The following LPP variants were observed in gnomAD, a reference collection of about 807,000 sequenced individuals.
LPP encodes the protein lipoma-preferred partner.
A neutral mutation model predicts 60.4 loss-of-function variants in LPP; 38 were observed. The ratio of observed to expected loss-of-function variants is 0.63; its 90% CI spans 0.49 to 0.83. The LOEUF (loss-of-function observed/expected upper bound fraction) is 0.83. Among genes scored for constraint, LPP ranks in the 40% least tolerant of loss-of-function variants. The pLI is 0.00. For missense variants in LPP, 902 were observed against 783.6 expected (o/e 1.15, Z -1.80); for synonymous variants, 328 against 290.8 (o/e 1.13, Z -1.30).
Position 188,886,462 on chromosome 3 carries a change from C to T in LPP, c.*11983C>T, listed in dbSNP as rs949284650. The T allele has an allele frequency of 5.3e-6, 1 of 188,088 alleles. No individual in the cohort carries two copies. Among genetic ancestry groups the T allele is most frequent in the African/African-American group, 2.5e-5 (1 of 40,416 alleles). The allele number at this position is 188,088 out of a possible 1,614,324, so 11.7% of individuals were successfully genotyped here. On this transcript the variant is annotated 3_prime_UTR_variant, in exon 12 of 12. Transcript: ENST00000617246. ...TAGAAGACACAATTTGAGCACTTCT[C>T]AGAATTATCTAGTATGCCTGAGTAG... is the stretch of plus-strand genomic sequence containing the variant.
At chr3:188,762,688 G>A (rs1421460188) in intron 9 of LPP, among the ~76,000 whole-genome samples, 1 of 152,078 alleles carries the variant, frequency 6.6e-6, no homozygotes, top group Non-Finnish European at 1.5e-5. Context: ...CTATGCTTAT[G>A]AGAAGGAAAA....
In LPP at chr3:188,352,708, TGCAC is replaced by T. The variant is rs1361285607; in HGVS notation, c.-10+10991_-10+10994del. Among the ~76,000 whole-genome samples the T allele has an allele frequency of 0.011, 10 of 944 alleles. No individual in the cohort carries two copies. Among genetic ancestry groups the T allele is most frequent in the Non-Finnish European group, 0.023 (7 of 302 alleles). The allele number at this position is 944 out of a possible 152,430, so 0.6% of individuals were successfully genotyped here. ...CCTGCTTGTTGATGTTCCAGCTGCA[TGCAC>T]GGCACTGAGCCCTGCCTGAGTGCGC... On this transcript the variant is annotated intron_variant, in intron 3 of 11. Coordinates refer to ENST00000617246, the MANE Select transcript of LPP (RefSeq NM_001375462.1). The surrounding 1 kb of genome is among the most constrained non-coding windows in gnomAD (Gnocchi z 4.4).
intron 3 of LPP, among the ~76,000 whole-genome samples, chr3:188,361,832 T>C (rs1015044191): frequency 2.0e-4 from 31 of 152,184 alleles, no homozygotes; most frequent in African/African-American, 6.5e-4. Flanking sequence ...CTTCCCAAAG[T>C]GTTGGGATTA....
chr3:188,534,587 A>T (rs1475906076), intron 6 of LPP, among the ~76,000 whole-genome samples: 1 of 152,228 alleles, frequency 6.6e-6, no homozygotes, highest in Non-Finnish European at 1.5e-5. Context: ...AAGCAAATAA[A>T]CAAGAAAACA....
chr3:188,324,846 G>T (rs532721406), intron 2 of LPP, among the ~76,000 whole-genome samples: 5 of 152,226 alleles, frequency 3.3e-5, no homozygotes, highest in African/African-American at 1.2e-4. Context: ...CTTACAATTT[G>T]TCCACTTCAC....
chr3:188,278,710 T>C (rs1740880780), intron 2 of LPP, among the ~76,000 whole-genome samples: 1 of 152,024 alleles, frequency 6.6e-6, no homozygotes, highest in Admixed American at 6.6e-5. Flanking sequence ...ATACAATACG[T>C]TATAATAAGA....
chr3:188,258,427 A>G (rs1369179546), intron 2 of LPP, among the ~76,000 whole-genome samples: 2 of 151,784 alleles, frequency 1.3e-5, no homozygotes, highest in Admixed American at 1.3e-4. Context: ...GGCTCAATCA[A>G]CCCTCCTACT....
chr3:188,181,167 A>G (rs1724870420), intron 1 of LPP, among the ~76,000 whole-genome samples: 1 of 152,082 alleles, frequency 6.6e-6, no homozygotes, highest in Admixed American at 6.6e-5. Flanking sequence ...AGCCTGGCCA[A>G]TATGGTGAAA....
intron 4 of LPP, among the ~76,000 whole-genome samples, chr3:188,483,564 A>C (rs971410301): frequency 6.6e-6 from 1 of 152,216 alleles, no homozygotes; most frequent in Non-Finnish European, 1.5e-5. Context: ...TGTTTCCCCA[A>C]TACAGTTTTT....
At chr3:188,691,189 G>A (rs887139437) in intron 7 of LPP, among the ~76,000 whole-genome samples, 2 of 152,190 alleles carry the variant, frequency 1.3e-5, no homozygotes, top group African/African-American at 2.4e-5. Flanking sequence ...AGTTATGAGT[G>A]CAATATAATG....
intron 9 of LPP, among the ~76,000 whole-genome samples, chr3:188,822,284 C>CA (rs941356401): frequency 2.6e-5 from 4 of 151,636 alleles, no homozygotes; most frequent in East Asian, 3.9e-4. Flanking sequence ...TTCTCGGATA[C>CA]AAAAAAAATT....
intron 9 of LPP, among the ~76,000 whole-genome samples, chr3:188,808,090 T>C (rs1308934546): frequency 6.6e-6 from 1 of 152,166 alleles, no homozygotes; most frequent in Non-Finnish European, 1.5e-5. Flanking sequence ...GTTGTTGCTG[T>C]GATTCCCCTT....
At chr3:188,669,629 T>C (rs986072856) in intron 7 of LPP, among the ~76,000 whole-genome samples, 12 of 151,990 alleles carry the variant, frequency 7.9e-5, no homozygotes, top group African/African-American at 2.7e-4. Flanking sequence ...GTGATGGAGA[T>C]GATGTGGAGA....
At chr3:188,747,190 T>C (rs187569427) in intron 8 of LPP, among the ~76,000 whole-genome samples, 231 of 152,316 alleles carry the variant, frequency 1.5e-3, no homozygotes, top group African/African-American at 5.4e-3. Context: ...AAATCCTTCC[T>C]ATAATGCTTT....
intron 3 of LPP, among the ~76,000 whole-genome samples, chr3:188,380,902 G>A (rs377030310): frequency 1.3e-5 from 2 of 152,292 alleles, no homozygotes; most frequent in South Asian, 4.1e-4. Context: ...CATGGATTAG[G>A]AAACTGAATC....
Position 188,866,349 on chromosome 3 carries a change from G to A in LPP, c.1560G>A (p.Gly520=), listed in dbSNP as rs1215225079. 6.4e-7 allele frequency: 1 copy of A among 1,557,904 alleles called. No homozygotes were observed. The highest frequency in any genetic ancestry group is 8.7e-7 in the Non-Finnish European group (1 of 1,149,794). The part of the protein sequence containing the change: ...DGIPFTVDAG[G]LIHCIEDFHK... ...TCCCATTCACTGTGGATGCTGGCGG[G>A]CTCATTCACTGCATTGAGGACTTCC... The change falls in exon 10 of 12, where the codon GGG becomes GGA. Residue 520 remains glycine (G), a synonymous_variant. Transcript: ENST00000617246.
At chr3:188,180,593 T>C (rs1724654904) in intron 1 of LPP, 1 of 154,406 alleles carries the variant, frequency 6.5e-6, no homozygotes, top group Non-Finnish European at 1.5e-5. Flanking sequence ...TTCAAAAATA[T>C]GGAACCGTAT....
rs150257372 is a variant in LPP, at chr3:188,308,935, C to A, written c.-66-32728C>A. ...TTCTTCGTCTTCTTCTTCTTCTCTC[C>A]TCCTCCTCCTCCTTCTCCCTTCTCC... On this transcript the variant is annotated intron_variant, in intron 2 of 11. Coordinates refer to ENST00000617246, the MANE Select transcript of LPP (RefSeq NM_001375462.1). Among the ~76,000 whole-genome samples, 733 of 147,684 alleles carry A rather than the reference C, an allele frequency of 5.0e-3. 3 individuals carry two copies. The highest frequency in any genetic ancestry group is 0.017 in the African/African-American group (672 of 38,426).
At chr3:188,757,387 T>G (rs1052880386) in intron 8 of LPP, among the ~76,000 whole-genome samples, 1 of 152,210 alleles carries the variant, frequency 6.6e-6, no homozygotes, top group Non-Finnish European at 1.5e-5. Flanking sequence ...AATCAGTGAT[T>G]GAAGTTTGCT....
Sources: allele counts gnomAD v4.1 joint callset (sites outside exome capture counted in the v4.1 genomes callset), GRCh38; gene constraint gnomAD v4.1.1; non-coding constraint Gnocchi (gnomAD v3.1); transcripts MANE v1.5; gene names NCBI Gene and HGNC (gene_info 2026-07-23, HGNC 2026-07-21).